CT45A1: variants seen among roughly 807,000 people sequenced by gnomAD.
CT45A1 encodes cancer/testis antigen family 45 member A1.
At chrX:135,714,191 G>A (rs1438002766) in intron 1 of CT45A1, among the ~76,000 whole-genome samples, 4 of 109,605 alleles carry the variant, frequency 3.6e-5, no homozygotes, top group Non-Finnish European at 7.6e-5. Flanking sequence ...CTCAACCTGC[G>A]AGGGACTCTT....
intron 1 of CT45A1, among the ~76,000 whole-genome samples, chrX:135,717,673 T>C (rs1556572085): frequency 8.9e-6 from 1 of 112,407 alleles, no homozygotes; most frequent in African/African-American, 3.2e-5. Context: ...TTGATTAAAT[T>C]TATTCCTAAA....
intron 1 of CT45A1, among the ~76,000 whole-genome samples, chrX:135,713,973 A>G (rs1254403123): frequency 8.8e-5 from 9 of 102,616 alleles, no homozygotes; most frequent in Non-Finnish European, 1.6e-4. Context: ...GACTTTTCCT[A>G]CTGAAATGAC....
chrX:135,711,048 C>T (rs1207996586), upstream of CT45A1, among the ~76,000 whole-genome samples: 2 of 111,966 alleles, frequency 1.8e-5, no homozygotes, highest in African/African-American at 6.5e-5. Flanking sequence ...TCCTTCAGGG[C>T]TGTCCCAGTC....
chrX:135,717,643 G>A (rs782180229), intron 1 of CT45A1, among the ~76,000 whole-genome samples: 1 of 111,900 alleles, frequency 8.9e-6, no homozygotes, highest in Non-Finnish European at 1.9e-5. Context: ...TATAATTTTT[G>A]TGTAGTGCTG....
intron 1 of CT45A1, among the ~76,000 whole-genome samples, chrX:135,715,365 A>ATATATAATACT (rs2087974416): frequency 1.5e-5 from 1 of 64,770 alleles, no homozygotes; most frequent in African/African-American, 5.8e-5. Context: ...TATAATACTT[A>ATATATAATACT]TATATATAAT....
At chrX:135,713,216 GT>G (rs144472727), upstream of CT45A1, among the ~76,000 whole-genome samples, 7,831 of 88,425 alleles carry the variant, frequency 0.089, 245 homozygotes, top group African/African-American at 0.11. Context: ...TTTTGTGTGT[GT>G]TTTTTTTTTT....
upstream of CT45A1, among the ~76,000 whole-genome samples, chrX:135,709,211 C>T (rs1436002580): frequency 2.7e-5 from 3 of 112,199 alleles, no homozygotes; most frequent in Non-Finnish European, 5.6e-5. Flanking sequence ...CTGCAACCTC[C>T]ACCTCCCAGG....
At chrX:135,709,598 C>G (rs2087924504), upstream of CT45A1, among the ~76,000 whole-genome samples, 1 of 112,025 alleles carries the variant, frequency 8.9e-6, no homozygotes, top group Non-Finnish European at 1.9e-5. Context: ...AACACAGAAA[C>G]AAAATCAGAT....
intron 1 of CT45A1, among the ~76,000 whole-genome samples, chrX:135,718,199 T>A (rs868920865): frequency 1.8e-5 from 2 of 111,955 alleles, no homozygotes; most frequent in African/African-American, 3.3e-5. Context: ...ATGTGGTGCA[T>A]TACATTTATC....
upstream of CT45A1, among the ~76,000 whole-genome samples, chrX:135,711,908 C>G (rs782172600): frequency 2.7e-5 from 3 of 110,193 alleles, no homozygotes; most frequent in African/African-American, 9.9e-5. Context: ...TGGTGAAACA[C>G]TGTCTCTACT....
chrX:135,716,743 A>G (rs2087991308), intron 1 of CT45A1, among the ~76,000 whole-genome samples: 1 of 111,514 alleles, frequency 9.0e-6, no homozygotes, highest in South Asian at 3.7e-4. Context: ...CCTATACTAT[A>G]GTTGTGAAGA....
intron 1 of CT45A1, among the ~76,000 whole-genome samples, chrX:135,718,359 G>A (rs1435702652): frequency 3.6e-5 from 4 of 110,746 alleles, no homozygotes; most frequent in Non-Finnish European, 7.6e-5. Context: ...TGTATTTTTG[G>A]CTTGATCTTG....
intron 1 of CT45A1, among the ~76,000 whole-genome samples, chrX:135,718,047 T>C (rs782225739): frequency 8.9e-6 from 1 of 112,174 alleles, no homozygotes; most frequent in Non-Finnish European, 1.9e-5. Flanking sequence ...AAATTTTTTG[T>C]ACATATGCTA....
At chrX:135,709,443 A>G (rs1283606501), upstream of CT45A1, among the ~76,000 whole-genome samples, 1 of 111,447 alleles carries the variant, frequency 9.0e-6, no homozygotes, top group Non-Finnish European at 1.9e-5. Flanking sequence ...TATTTTTTGT[A>G]TTTTTGGTAG....
upstream of CT45A1, among the ~76,000 whole-genome samples, chrX:135,712,246 C>T (rs782278276): frequency 1.2e-5 from 1 of 80,705 alleles, no homozygotes; most frequent in East Asian, 4.2e-4. Context: ...GATCAAAGCT[C>T]AATGCAGCCT....
upstream of CT45A1, among the ~76,000 whole-genome samples, chrX:135,709,479 G>C (rs182555098): frequency 4.2e-3 from 470 of 112,059 alleles, 1 homozygote; most frequent in Middle Eastern, 9.1e-3. Context: ...ATGTTGGCCA[G>C]CCTTGCCTGG....
At chrX:135,708,466 G>A in the CT45A1 span, among the ~76,000 whole-genome samples, 1 of 110,368 alleles carries the variant, frequency 9.1e-6, no homozygotes, top group Non-Finnish European at 1.9e-5. Context: ...TCTTTCTGGG[G>A]TGCTCTGCGT....
At chrX:135,709,675 C>T (rs188426716), upstream of CT45A1, among the ~76,000 whole-genome samples, 2 of 111,292 alleles carry the variant, frequency 1.8e-5, no homozygotes, top group African/African-American at 3.3e-5. Flanking sequence ...TACACATGAA[C>T]ATAAAGGTAG....
intron 1 of CT45A1, among the ~76,000 whole-genome samples, chrX:135,718,332 CA>C (rs1404046041): frequency 8.1e-5 from 9 of 110,964 alleles, no homozygotes; most frequent in African/African-American, 2.6e-4. Context: ...TGTCTAAGTT[CA>C]GGGGTGATAT....
Sources: gnomAD v4.1 joint callset for allele counts (sites outside exome capture counted in the v4.1 genomes callset) on GRCh38, gnomAD v4.1.1 for gene constraint, MANE v1.5 for transcripts, NCBI Gene and HGNC (gene_info 2026-07-23, HGNC 2026-07-21) for gene names.